The following TRIM62 variants were observed in gnomAD, a reference collection of about 807,000 sequenced individuals.
The protein encoded by TRIM62 is tripartite motif containing 62.
TRIM62 carries 39 observed loss-of-function variants against 44.2 expected under a neutral mutation model. The ratio of observed to expected loss-of-function variants is 0.88; its 90% CI spans 0.68 to 1.15. The LOEUF (loss-of-function observed/expected upper bound fraction) is 1.15. Among genes scored for constraint, TRIM62 ranks in the 50% most tolerant of loss-of-function variants. The pLI, the probability that TRIM62 is intolerant of heterozygous loss-of-function variation, is 0.00. For synonymous variants in TRIM62, 278 were observed against 292.3 expected (o/e 0.95, Z 0.50); for missense variants, 544 against 665.5 (o/e 0.82, Z 2.01).
chr1:33,154,156 G>A (rs775961461), intron 4 of TRIM62, among the ~76,000 whole-genome samples: 2 of 152,216 alleles, frequency 1.3e-5, no homozygotes, highest in Non-Finnish European at 2.9e-5. Flanking sequence ...GGGAGAATAT[G>A]GCTCATTTAA....
Position 33,147,500 on chromosome 1 carries a change from G to T in TRIM62, c.1105C>A (p.His369Asn), listed in dbSNP as rs201458914. Residue 369 changes from histidine (H) to asparagine (N), a missense_variant, in exon 5 of 5, where the codon CAC becomes AAC. Coordinates refer to ENST00000291416, the MANE Select transcript of TRIM62 (RefSeq NM_018207.3). This position sits in a 1 kb window ranked among gnomAD's most constrained non-coding sequence, Gnocchi z 8.1. The stretch of plus-strand genomic sequence containing the variant: ...CTGCCCTTGCGGCTTGCGGCTTCGT[G>T]TGCCAGCCCGATCACCCACTGGGTC... ...EKTQWVIGLA[H>N]EAASRKGSIQ... is the part of the protein sequence containing the mutation. The T allele has an allele frequency of 1.9e-4, 306 of 1,613,170 alleles. No homozygotes were observed. Among genetic ancestry groups the T allele is most frequent in the Non-Finnish European group, 2.2e-4 (260 of 1,179,870 alleles).
At chr1:33,168,327 G>A (rs553779910) in intron 1 of TRIM62, among the ~76,000 whole-genome samples, 23 of 152,302 alleles carry the variant, frequency 1.5e-4, no homozygotes, top group African/African-American at 5.5e-4. Context: ...GATGACTGTG[G>A]GGCTGCCACA....
intron 1 of TRIM62, among the ~76,000 whole-genome samples, chr1:33,171,251 G>T (rs1366673978): frequency 6.6e-6 from 1 of 152,228 alleles, no homozygotes; most frequent in East Asian, 1.9e-4. Context: ...CCTGAGGAAG[G>T]ACACTGGTAA....
intron 1 of TRIM62, among the ~76,000 whole-genome samples, chr1:33,172,418 A>G (rs1570331903): frequency 6.6e-6 from 1 of 152,076 alleles, no homozygotes; most frequent in East Asian, 1.9e-4. Context: ...GGCTGCAGCC[A>G]GGCATGTGAC....
At chr1:33,157,905 CG>C (rs1645203331) in intron 4 of TRIM62, among the ~76,000 whole-genome samples, 1 of 152,012 alleles carries the variant, frequency 6.6e-6, no homozygotes, top group Non-Finnish European at 1.5e-5. Flanking sequence ...TACAGGTGCA[CG>C]CCACCATGCC....
chr1:33,165,724 G>A lies in TRIM62; in HGVS notation c.409-158C>T, dbSNP rs74065228. ...TTCAACCACCAGCAAGTCCTGTAGA[G>A]TCTGTCTCCTAAACACCTCCAGAAC... On this transcript the variant is annotated intron_variant, in intron 1 of 4. Coordinates refer to ENST00000291416, the MANE Select transcript of TRIM62 (RefSeq NM_018207.3). The surrounding 1 kb of genome is among the most constrained non-coding windows in gnomAD (Gnocchi z 4.0). 877 of 529,580 alleles carry A rather than the reference G, an allele frequency of 1.7e-3. 9 individuals carry two copies. Among genetic ancestry groups the A allele is most frequent in the African/African-American group, 0.016 (797 of 51,246 alleles). The allele number at this position is 529,580 out of a possible 1,614,324, so 32.8% of individuals were successfully genotyped here. A position where few individuals can be genotyped will look rare whatever the true frequency, so the allele number is the denominator to read the frequency against.
In TRIM62 at chr1:33,145,852, C is replaced by T. The variant is rs769232422; in HGVS notation, c.*1325G>A. 4.2e-6 allele frequency: 2 copies of T among 471,160 alleles called. No homozygotes were observed. The highest frequency in any genetic ancestry group is 3.1e-5 in the South Asian group (2 of 64,568). 29.2% of individuals were successfully genotyped at this position (471,160 alleles called of 1,614,324 possible). The stretch of plus-strand genomic sequence containing the variant: ...GTGGGGCTTGCTCCACCCACCCTAA[C>T]TTCCTTCTAGGGAAATGACATTTCC... On this transcript the variant is annotated 3_prime_UTR_variant, in exon 5 of 5. Transcript: ENST00000291416.
rs759186272 is a variant in TRIM62, at chr1:33,147,376, C to T, written c.1229G>A (p.Arg410Gln). 1.2e-5 allele frequency: 20 copies of T among 1,614,046 alleles called. No individual in the cohort carries two copies. Among genetic ancestry groups the T allele is most frequent in the South Asian group, 7.7e-5 (7 of 91,086 alleles). ...GACACCCACCTTGTCAAGCTTGTCC[C>T]GGACGTTAAGCCGCGTCCAGGGCTC... Reference protein sequence around the residue: ...CTEPWTRLNVRDKLDKVGVFL... With the variant: ...CTEPWTRLNVQDKLDKVGVFL... Residue 410 changes from arginine (R) to glutamine (Q), a missense_variant, in exon 5 of 5, where the codon CGG (arginine) becomes CAG (glutamine). By Grantham distance (43) the Arg-to-Gln change is conservative. Coordinates refer to ENST00000291416, the MANE Select transcript of TRIM62 (RefSeq NM_018207.3). This position sits in a 1 kb window ranked among gnomAD's most constrained non-coding sequence, Gnocchi z 8.1.
intron 1 of TRIM62, among the ~76,000 whole-genome samples, chr1:33,175,940 A>C (rs925423529): frequency 1.3e-5 from 2 of 152,160 alleles, no homozygotes; most frequent in African/African-American, 4.8e-5. Context: ...GGGGTCCCCA[A>C]TGTTGGCCCT....
chr1:33,172,253 C>T (rs1055707619), intron 1 of TRIM62, among the ~76,000 whole-genome samples: 7 of 152,088 alleles, frequency 4.6e-5, no homozygotes, highest in Non-Finnish European at 1.0e-4. Flanking sequence ...GGGGGAGCTT[C>T]AAGGAAGGAG....
Position 33,146,715 on chromosome 1 carries a change from G to A in TRIM62, c.*462C>T. On this transcript the variant is annotated 3_prime_UTR_variant, in exon 5 of 5. Coordinates refer to ENST00000291416, the MANE Select transcript of TRIM62 (RefSeq NM_018207.3). ...CTACCTGTGACCACTGTGGACTGGG[G>A]TCAAGGGTAAATGGCCCATCACTAG... The A allele has an allele frequency of 1.6e-5, 3 of 187,100 alleles. No individual in the cohort carries two copies. The South Asian group carries it at 3.4e-4, about 21-fold the overall frequency. The allele number at this position is 187,100 out of a possible 1,614,324, so 11.6% of individuals were successfully genotyped here. A position where few individuals can be genotyped will look rare whatever the true frequency, so the allele number is the denominator to read the frequency against.
chr1:33,159,498 G>A lies in TRIM62; in HGVS notation c.761+190C>T, dbSNP rs1215571977. 1.3e-5 allele frequency among the ~76,000 whole-genome samples: 2 copies of A among 152,150 alleles called. No homozygotes were observed. Among genetic ancestry groups the A allele is most frequent in the Non-Finnish European group, 2.9e-5 (2 of 68,038 alleles). ...CCTCACCATTGCTGCTGCTCCTCTA[G>A]TTCAAGCCTCACTGGCTTCATACTC... On this transcript the variant is annotated intron_variant, in intron 3 of 4. Transcript: ENST00000291416. The surrounding 1 kb of genome is among the most constrained non-coding windows in gnomAD (Gnocchi z 4.2).
intron 2 of TRIM62, among the ~76,000 whole-genome samples, chr1:33,160,768 A>C (rs1645255593): frequency 6.6e-6 from 1 of 152,226 alleles, no homozygotes; most frequent in African/African-American, 2.4e-5. Flanking sequence ...AAAGATGACA[A>C]GATCACAGAC....
At chr1:33,160,038 AGGAAAGGGTG>A in intron 2 of TRIM62, 94 bp from the exon 3 acceptor site, 2 of 1,524,478 alleles carry the variant, frequency 1.3e-6, no homozygotes, top group Non-Finnish European at 1.8e-6. Flanking sequence ...ACACACAGAG[AGGAAAGGGTG>A]GGAAAGGGCA....
chr1:33,160,014 A>G (rs1645242219), intron 2 of TRIM62, 70 bp from the exon 3 acceptor site: 1 of 1,560,860 alleles, frequency 6.4e-7, no homozygotes. Flanking sequence ...GAGAGGAGGA[A>G]ATCGAGAGCC....
rs1489801705 is a variant in TRIM62 at position 33,146,902 on chromosome 1, G to A, written c.*275C>T. 2 of 479,014 alleles carry A rather than the reference G, an allele frequency of 4.2e-6. No homozygotes were observed. Among genetic ancestry groups the A allele is most frequent in the African/African-American group, 3.9e-5 (2 of 51,512 alleles). The allele number at this position is 479,014 out of a possible 1,614,324, so 29.7% of individuals were successfully genotyped here. On this transcript the variant is annotated 3_prime_UTR_variant, in exon 5 of 5. Coordinates refer to ENST00000291416, the MANE Select transcript of TRIM62 (RefSeq NM_018207.3). ...TGCCCCTGAGAAGATGGGGATGAGG[G>A]TTGGGCAGGGGTTGCCCTGAGGAGA...
chr1:33,147,661 G>A lies in TRIM62; in HGVS notation c.944C>T (p.Thr315Ile). ...GTGCAAGTTGCCGTAAGCCACAATG[G>A]TGCAGTCGTCCGACAGGATCAGGCG... Reference protein sequence around the residue: ...HQRLILSDDCTIVAYGNLHPQ... With the variant: ...HQRLILSDDCIIVAYGNLHPQ... The change falls in exon 5 of 5, where the codon ACC (threonine) becomes ATC (isoleucine). Residue 315 changes from threonine to isoleucine, a missense_variant. By Grantham distance (89) the Thr-to-Ile change is moderately conservative (BLOSUM62 -1). Transcript: ENST00000291416. This position sits in a 1 kb window ranked among gnomAD's most constrained non-coding sequence, Gnocchi z 8.1. 3 of 1,613,932 alleles carry A rather than the reference G, an allele frequency of 1.9e-6. No homozygotes were observed. The highest frequency in any genetic ancestry group is 2.5e-6 in the Non-Finnish European group (3 of 1,180,038).
intron 4 of TRIM62, among the ~76,000 whole-genome samples, chr1:33,148,541 G>A (rs1174512387): frequency 1.3e-5 from 2 of 152,116 alleles, no homozygotes; most frequent in Non-Finnish European, 2.9e-5. Context: ...TACCTATGAC[G>A]AGAGGACCTG....
rs1341572117 is a variant in TRIM62 at position 33,165,574 on chromosome 1, A to G, written c.409-8T>C. On this transcript the variant is annotated splice_polypyrimidine_tract_variant and splice_region_variant and intron_variant, in intron 1 of 4. Coordinates refer to ENST00000291416, the MANE Select transcript of TRIM62 (RefSeq NM_018207.3). The surrounding 1 kb of genome is among the most constrained non-coding windows in gnomAD (Gnocchi z 4.0). ...TTGGTCCTTCAGCTCCCTCTGAAACACACACAGGGCCGGGATGGGGGCAGG... is the reference window on the plus strand; with the variant it reads ...TTGGTCCTTCAGCTCCCTCTGAAACGCACACAGGGCCGGGATGGGGGCAGG... 3 of 1,601,908 alleles carry G rather than the reference A, an allele frequency of 1.9e-6. No homozygotes were observed. Among genetic ancestry groups the G allele is most frequent in the Non-Finnish European group, 1.7e-6 (2 of 1,172,952 alleles).
Sources: gnomAD v4.1 joint callset for allele counts (sites outside exome capture counted in the v4.1 genomes callset) on GRCh38, gnomAD v4.1.1 for gene constraint, Gnocchi (gnomAD v3.1) non-coding constraint, MANE v1.5 for transcripts, NCBI Gene and HGNC (gene_info 2026-07-23, HGNC 2026-07-21) for gene names.